ARAP2: variants seen among roughly 807,000 people sequenced by gnomAD.
ARAP2 encodes arf-GAP with Rho-GAP domain, ANK repeat and PH domain-containing protein 2.
In ARAP2, 148 loss-of-function variants were observed where a neutral mutation model predicts 194.5. The ratio of observed to expected loss-of-function variants is 0.76; its 90% confidence interval spans 0.67 to 0.87. ARAP2 has a LOEUF of 0.87. Among genes scored for constraint, ARAP2 ranks in the 40% least tolerant of loss-of-function variants. The pLI, the probability that ARAP2 is intolerant of heterozygous loss-of-function variation, is 0.00. For missense variants in ARAP2, 2,128 were observed against 1,989.7 expected (o/e 1.07, Z -1.32); for synonymous variants, 695 against 683.5 (o/e 1.02, Z -0.26).
At chr4:36,088,463 C>T (rs1204700955) in intron 28 of ARAP2, among the ~76,000 whole-genome samples, 1 of 152,044 alleles carries the variant, frequency 6.6e-6, no homozygotes, top group African/African-American at 2.4e-5. Flanking sequence ...TACTATTCCT[C>T]TATGGGTAAA....
intron 30 of ARAP2, among the ~76,000 whole-genome samples, chr4:36,081,717 CCAGGCCCT>C (rs1729599701): frequency 6.6e-6 from 1 of 151,274 alleles, no homozygotes; most frequent in Non-Finnish European, 1.5e-5. Flanking sequence ...TCAATGAAGG[CCAGGCCCT>C]CAGGGTAGAG....
At chr4:36,167,536 C>T in intron 9 of ARAP2, among the ~76,000 whole-genome samples, 1 of 152,120 alleles carries the variant, frequency 6.6e-6, no homozygotes, top group East Asian at 1.9e-4. Flanking sequence ...AATCTGATTG[C>T]TCTTTCCTTG....
intron 2 of ARAP2, among the ~76,000 whole-genome samples, chr4:36,227,757 G>T (rs1400247934): frequency 1.3e-5 from 2 of 152,134 alleles, no homozygotes; most frequent in Admixed American, 6.6e-5. Context: ...ACACACAAGG[G>T]TTAAGTTTTA....
At chr4:36,152,068 T>C (rs974562036) in intron 15 of ARAP2, among the ~76,000 whole-genome samples, 2 of 152,256 alleles carry the variant, frequency 1.3e-5, no homozygotes, top group South Asian at 2.1e-4. Context: ...AATAAGACAA[T>C]GTATTTGGCT....
intron 5 of ARAP2, among the ~76,000 whole-genome samples, chr4:36,030,729 T>A (rs1718773243): frequency 6.6e-6 from 1 of 152,032 alleles, no homozygotes; most frequent in African/African-American, 2.4e-5. Context: ...TCTTAATTGC[T>A]ATGACTACTT....
chr4:36,037,790 T>C (rs146636340), intron 5 of ARAP2, among the ~76,000 whole-genome samples: 12 of 152,314 alleles, frequency 7.9e-5, no homozygotes, highest in Non-Finnish European at 1.3e-4. Flanking sequence ...TTTTATTTTA[T>C]ATTGCTCTGG....
chr4:36,196,482 T>C (rs1743141576), intron 6 of ARAP2, among the ~76,000 whole-genome samples: 1 of 152,166 alleles, frequency 6.6e-6, no homozygotes, highest in Non-Finnish European at 1.5e-5. Flanking sequence ...CCTAAGATAT[T>C]CTCCCAATTA....
intron 28 of ARAP2, among the ~76,000 whole-genome samples, chr4:36,088,416 T>C (rs1404038387): frequency 6.6e-6 from 1 of 152,096 alleles, no homozygotes; most frequent in Non-Finnish European, 1.5e-5. Context: ...TAAAATCTGA[T>C]GTGTTCCATC....
chr4:36,135,476 T>C (rs1271476154), intron 19 of ARAP2, among the ~76,000 whole-genome samples: 1 of 151,836 alleles, frequency 6.6e-6, no homozygotes, highest in African/African-American at 2.4e-5. Flanking sequence ...TCTTGCTTTT[T>C]GACGTCTTTA....
intron 6 of ARAP2, among the ~76,000 whole-genome samples, chr4:36,203,910 G>A (rs772989302): frequency 4.0e-5 from 6 of 151,492 alleles, no homozygotes; most frequent in African/African-American, 7.3e-5. Flanking sequence ...ACAGGAAAGC[G>A]TCAAAAAAAA....
chr4:36,066,726 T>C lies in ARAP2; in HGVS notation c.*1181A>G, dbSNP rs981498636. On this transcript the variant is annotated 3_prime_UTR_variant, in exon 33 of 33. Coordinates refer to ENST00000303965, the MANE Select transcript of ARAP2 (RefSeq NM_015230.4). The stretch of plus-strand genomic sequence containing the variant: ...TCACCAATTCAGTAGCTGATCTTTA[T>C]GTGGAAACAAAAATAGGGCTTTGTC... The C allele has an allele frequency of 3.3e-5, 5 of 152,132 alleles. No individual in the cohort carries two copies. The highest frequency in any genetic ancestry group is 4.4e-5 in the Non-Finnish European group (3 of 68,028). The allele number at this position is 152,132 out of a possible 1,614,324, so 9.4% of individuals were successfully genotyped here. A position where few individuals can be genotyped will look rare whatever the true frequency, so the allele number is the denominator to read the frequency against.
chr4:36,078,185 T>C (rs889960757), intron 31 of ARAP2, among the ~76,000 whole-genome samples: 1 of 152,198 alleles, frequency 6.6e-6, no homozygotes, highest in Non-Finnish European at 1.5e-5. Context: ...CTTCTTTTCA[T>C]GGAGTTTACA....
chr4:36,082,360 T>C, intron 29 of ARAP2, 74 bp from the exon 30 acceptor site: 1 of 1,440,794 alleles, frequency 6.9e-7, no homozygotes, highest in Non-Finnish European at 9.5e-7. Flanking sequence ...CAGGATTAGA[T>C]GTTAAGGAGA....
chr4:36,184,477 T>C (rs558491839), intron 8 of ARAP2, among the ~76,000 whole-genome samples: 26 of 152,336 alleles, frequency 1.7e-4, no homozygotes, highest in Admixed American at 2.6e-4. Flanking sequence ...GAAAAATTTA[T>C]ACTGAAGTTA....
chr4:36,076,709 T>C (rs1728340873), intron 31 of ARAP2, among the ~76,000 whole-genome samples: 1 of 152,054 alleles, frequency 6.6e-6, no homozygotes, highest in Non-Finnish European at 1.5e-5. Flanking sequence ...GAATATAATC[T>C]AAGTGCTGAC....
intron 5 of ARAP2, among the ~76,000 whole-genome samples, chr4:36,025,950 G>GT (rs1196794099): frequency 7.2e-5 from 11 of 152,106 alleles, no homozygotes; most frequent in East Asian, 3.9e-4. Flanking sequence ...TATGCATCAT[G>GT]TTTTTTTCCC....
intron 5 of ARAP2, among the ~76,000 whole-genome samples, chr4:36,029,579 A>C (rs1297987664): frequency 6.6e-6 from 1 of 152,070 alleles, no homozygotes; most frequent in Non-Finnish European, 1.5e-5. Flanking sequence ...TATTTCTTTT[A>C]ATACACAAGT....
At chr4:36,064,206 CTTTTTT>C (rs3055214), downstream of ARAP2, among the ~76,000 whole-genome samples, 1 of 144,212 alleles carries the variant, frequency 6.9e-6, no homozygotes, top group South Asian at 2.2e-4. Flanking sequence ...TTTTTTCTTT[CTTTTTT>C]TTTTTTTTTC....
At chr4:36,160,272 G>A in intron 13 of ARAP2, 187 bp downstream of exon 13, 1 of 1,194,682 alleles carries the variant, frequency 8.4e-7, no homozygotes, top group South Asian at 2.7e-5. Flanking sequence ...AAGAATTTAT[G>A]CTCTTTTGAC....
Sources: allele counts gnomAD v4.1 joint callset (sites outside exome capture counted in the v4.1 genomes callset), GRCh38; gene constraint gnomAD v4.1.1; transcripts MANE v1.5; gene names NCBI Gene and HGNC (gene_info 2026-07-23, HGNC 2026-07-21).